Variants in PRKG2 observed in about 807,000 individuals in gnomAD.
PRKG2 encodes the protein protein kinase cGMP-dependent 2, also known as cGMP-dependent protein kinase 2.
Under a neutral mutation model 97.2 loss-of-function variants are expected in PRKG2, and 33 were observed. The observed-to-expected ratio is 0.34, with a 90% CI of 0.26 to 0.45. The LOEUF (loss-of-function observed/expected upper bound fraction) is 0.45. Ranked by LOEUF, PRKG2 falls within the 20% of genes least tolerant of loss-of-function variation. PRKG2 has a pLI of 1.00. For missense variants in PRKG2, 638 were observed against 900.0 expected (o/e 0.71, Z 3.73); for synonymous variants, 330 against 321.8 (o/e 1.03, Z -0.27).
rs192996020 is a variant in PRKG2, at chr4:81,098,096, T to C, written c.2127-5644A>G. ...GGGCTGGGAAAGGCAGACCCACCCGTAATCTCAGTGGGCACAACCTAATTA... is the reference window on the plus strand; with the variant it reads ...GGGCTGGGAAAGGCAGACCCACCCGCAATCTCAGTGGGCACAACCTAATTA... On this transcript the variant is annotated intron_variant, in intron 17 of 18. Transcript: ENST00000264399. Among the ~76,000 whole-genome samples the C allele has an allele frequency of 2.1e-3, 318 of 152,272 alleles. 2 individuals carry two copies. Among genetic ancestry groups the C allele is most frequent in the African/African-American group, 7.5e-3 (311 of 41,558 alleles).
intron 6 of PRKG2, among the ~76,000 whole-genome samples, chr4:81,165,329 T>C (rs751295): frequency 0.35 from 53,316 of 152,002 alleles, 13,231 homozygotes; most frequent in African/African-American, 0.68. Context: ...TCTCCCTTCC[T>C]TACCCCCTGC....
intron 8 of PRKG2, among the ~76,000 whole-genome samples, chr4:81,149,866 C>T (rs1032358297): frequency 2.0e-5 from 3 of 152,140 alleles, no homozygotes; most frequent in Non-Finnish European, 4.4e-5. Context: ...TTTCCTTTGC[C>T]TTCTCTTAGT....
intron 6 of PRKG2, 52 bp downstream of exon 6, chr4:81,167,109 T>TAA (rs1560597069): frequency 3.3e-6 from 4 of 1,204,842 alleles, no homozygotes; most frequent in Non-Finnish European, 2.4e-6. Flanking sequence ...ATAATATAAG[T>TAA]ACATTCTAAT....
At chr4:81,184,189 C>G (rs1199507758) in intron 2 of PRKG2, among the ~76,000 whole-genome samples, 1 of 152,178 alleles carries the variant, frequency 6.6e-6, no homozygotes, top group Admixed American at 6.5e-5. Flanking sequence ...AACTGCCATG[C>G]GTACTGACTG....
At chr4:81,195,604 G>C (rs553948137) in intron 2 of PRKG2, among the ~76,000 whole-genome samples, 2 of 152,170 alleles carry the variant, frequency 1.3e-5, no homozygotes, top group East Asian at 3.9e-4. Flanking sequence ...CGATGAATTT[G>C]ACGATTCGAG....
At chr4:81,168,408 T>C (rs564663267) in intron 5 of PRKG2, among the ~76,000 whole-genome samples, 6 of 152,242 alleles carry the variant, frequency 3.9e-5, no homozygotes, top group Admixed American at 3.3e-4. Flanking sequence ...TATTCACTAG[T>C]AGATTATCCG....
At chr4:81,163,163 C>T (rs757282570) in intron 6 of PRKG2, among the ~76,000 whole-genome samples, 1 of 152,104 alleles carries the variant, frequency 6.6e-6, no homozygotes, top group East Asian at 1.9e-4. Flanking sequence ...AGTGTGTTGA[C>T]AGTAACTTCA....
intron 11 of PRKG2, among the ~76,000 whole-genome samples, chr4:81,141,946 G>A (rs951822136): frequency 6.6e-6 from 1 of 152,142 alleles, no homozygotes; most frequent in Non-Finnish European, 1.5e-5. Flanking sequence ...TTTCAAATCT[G>A]CTCATGCCCA....
chr4:81,172,707 G>C (rs2110084774), intron 3 of PRKG2, among the ~76,000 whole-genome samples: 1 of 152,208 alleles, frequency 6.6e-6, no homozygotes, highest in Admixed American at 6.5e-5. Flanking sequence ...AAAAAAAAGT[G>C]ATGGGGTAAT....
intron 15 of PRKG2, among the ~76,000 whole-genome samples, chr4:81,109,526 G>A (rs1429918246): frequency 6.6e-6 from 1 of 152,088 alleles, no homozygotes; most frequent in African/African-American, 2.4e-5. Context: ...ATAGAAGGAA[G>A]GTGCGTCACA....
intron 2 of PRKG2, among the ~76,000 whole-genome samples, chr4:81,185,010 C>A (rs1242209341): frequency 6.6e-6 from 1 of 152,042 alleles, no homozygotes; most frequent in Non-Finnish European, 1.5e-5. Context: ...GAGTGGTATA[C>A]CTGAAAGTGA....
chr4:81,094,725 T>A (rs1171270221), intron 17 of PRKG2, among the ~76,000 whole-genome samples: 1 of 151,624 alleles, frequency 6.6e-6, no homozygotes, highest in African/African-American at 2.4e-5. Flanking sequence ...CATGGGAGGA[T>A]CTGTGGCAAA....
intron 14 of PRKG2, among the ~76,000 whole-genome samples, chr4:81,112,617 G>T (rs1744099404): frequency 6.6e-6 from 1 of 152,008 alleles, no homozygotes; most frequent in Admixed American, 6.6e-5. Context: ...TTGCATATTG[G>T]CCTAAAGAGA....
chr4:81,212,009 A>G (rs999676186), intron 1 of PRKG2, among the ~76,000 whole-genome samples: 1 of 152,192 alleles, frequency 6.6e-6, no homozygotes, highest in South Asian at 2.1e-4. Flanking sequence ...AAATAATTGA[A>G]TATATAAATC....
intron 8 of PRKG2, 35 bp downstream of exon 8, chr4:81,151,925 T>C (rs1301301408): frequency 1.3e-6 from 2 of 1,506,024 alleles, no homozygotes; most frequent in African/African-American, 2.8e-5. Context: ...TCGAAGCATT[T>C]TATCCAAAGT....
chr4:81,159,261 C>T (rs1252032583), intron 6 of PRKG2, among the ~76,000 whole-genome samples: 2 of 151,286 alleles, frequency 1.3e-5, no homozygotes, highest in Non-Finnish European at 2.9e-5. Context: ...AACAAATTTA[C>T]AAGAAAAAAA....
chr4:81,109,515 T>C (rs894745), intron 15 of PRKG2, among the ~76,000 whole-genome samples: 84 of 152,322 alleles, frequency 5.5e-4, no homozygotes, highest in African/African-American at 1.9e-3. Flanking sequence ...CATAAACACA[T>C]ATAGAAGGAA....
intron 14 of PRKG2, among the ~76,000 whole-genome samples, chr4:81,117,426 TACCA>T (rs1744656543): frequency 6.6e-6 from 1 of 152,180 alleles, no homozygotes; most frequent in Admixed American, 6.5e-5. Context: ...GAAGTACTTA[TACCA>T]CTGACTTTTG....
intron 9 of PRKG2, among the ~76,000 whole-genome samples, chr4:81,145,198 G>A (rs1034664859): frequency 6.6e-6 from 1 of 152,048 alleles, no homozygotes; most frequent in Non-Finnish European, 1.5e-5. Context: ...CTTCCACAAT[G>A]GCTGAACTAG....
Sources: allele counts gnomAD v4.1 joint callset (sites outside exome capture counted in the v4.1 genomes callset), GRCh38; gene constraint gnomAD v4.1.1; transcripts MANE v1.5; gene names NCBI Gene and HGNC (gene_info 2026-07-23, HGNC 2026-07-21).